The following TEX15 variants were observed in gnomAD, a reference collection of about 807,000 sequenced individuals.
The protein encoded by TEX15 is testis-expressed protein 15.
A neutral mutation model predicts 237.3 loss-of-function variants in TEX15; 171 were observed. The ratio of observed to expected loss-of-function variants is 0.72; its 90% confidence interval spans 0.64 to 0.82. The LOEUF (loss-of-function observed/expected upper bound fraction) is 0.82. Among genes scored for constraint, TEX15 ranks in the 40% least tolerant of loss-of-function variants. TEX15 has a pLI of 0.00. For missense variants in TEX15, 3,750 were observed against 3,646.5 expected, an observed-to-expected ratio of 1.03 and a Z score of -0.73; for synonymous variants, 1,338 against 1,269.8, an observed-to-expected ratio of 1.05 and a Z score of -1.14.
In TEX15 at chr8:30,848,971, T is replaced by C; in HGVS notation, c.1196A>G (p.Asn399Ser). The C allele has an allele frequency of 5.0e-6, 8 of 1,614,156 alleles. No homozygotes were observed. Among genetic ancestry groups the C allele is most frequent in the Non-Finnish European group, 6.8e-6 (8 of 1,180,016 alleles). Reference sequence around the variant, plus strand: ...TAAAATATTTTTAAGACTTGTCCAATTTAACAAAAGGTCACCATTAACACT... The same window carrying C: ...TAAAATATTTTTAAGACTTGTCCAACTTAACAAAAGGTCACCATTAACACT... ...KDSVNGDLLL[N>S]WTSLKNILSG... The change falls in exon 8 of 11, where the codon AAT becomes AGT. Residue 399 changes from asparagine (N) to serine (S), a missense_variant. Physicochemically the swap from Asn to Ser is conservative, Grantham distance 46. Coordinates refer to ENST00000643185, the MANE Select transcript of TEX15 (RefSeq NM_001350162.2).
intron 2 of TEX15, among the ~76,000 whole-genome samples, chr8:30,895,676 C>CTGTTTTTTT (rs1808889021): frequency 1.7e-5 from 1 of 60,058 alleles, no homozygotes; most frequent in African/African-American, 8.1e-5. Flanking sequence ...TAAACACATG[C>CTGTTTTTTT]TTTTTTTTTT....
At chr8:30,909,169 A>G (rs1484186393) in intron 1 of TEX15, among the ~76,000 whole-genome samples, 2 of 151,954 alleles carry the variant, frequency 1.3e-5, no homozygotes, top group African/African-American at 4.8e-5. Context: ...TTTATTAATC[A>G]TTATCCTAAA....
chr8:30,836,092 T>C (rs1292936890), intron 10 of TEX15, among the ~76,000 whole-genome samples: 1 of 152,140 alleles, frequency 6.6e-6, no homozygotes, highest in Non-Finnish European at 1.5e-5. Context: ...GCATATTTTA[T>C]TTCAGTATTT....
At chr8:30,868,661 CT>C (rs546217431) in intron 4 of TEX15, among the ~76,000 whole-genome samples, 155 of 152,072 alleles carry the variant, frequency 1.0e-3, no homozygotes, top group African/African-American at 3.4e-3. Context: ...TCAGCCTTAA[CT>C]TTTGGCTCCA....
At position 30,849,197 on chromosome 8, in the gene TEX15, A is replaced by C. The variant is rs1807709633; in HGVS notation, c.970T>G (p.Leu324Val). The C allele has an allele frequency of 6.5e-7, 1 of 1,537,796 alleles. No homozygotes were observed. The highest frequency in any genetic ancestry group is 1.2e-5 in the South Asian group (1 of 84,294). ...ATCTCTGAATTTAGTGCATTGCATA[A>C]ACAGTTTTCTTGAACAAATGGATCT... Reference protein sequence around the residue: ...PVDPFVQENCLCNALNSEINP... With the variant: ...PVDPFVQENCVCNALNSEINP... The change falls in exon 8 of 11, where the codon TTA (leucine) becomes GTA (valine). Residue 324 changes from leucine (L) to valine (V), a missense_variant. Coordinates refer to ENST00000643185, the MANE Select transcript of TEX15 (RefSeq NM_001350162.2).
chr8:30,861,356 T>C (rs182547302), intron 5 of TEX15, among the ~76,000 whole-genome samples: 5 of 152,268 alleles, frequency 3.3e-5, no homozygotes, highest in Admixed American at 3.3e-4. Flanking sequence ...CACAACATAA[T>C]ATTCTAAAAT....
rs533582648 is a variant in TEX15, at chr8:30,876,234, G to T, written c.137-1132C>A. On this transcript the variant is annotated intron_variant, in intron 3 of 10. Coordinates refer to ENST00000643185, the MANE Select transcript of TEX15 (RefSeq NM_001350162.2). ...AACTTGTTCTTCCATTTTCCTATGTGACATTTAGCTGGTTATTTAAAAAAA... is the reference window on the plus strand; with the variant it reads ...AACTTGTTCTTCCATTTTCCTATGTTACATTTAGCTGGTTATTTAAAAAAA... Among the ~76,000 whole-genome samples, 10 of 152,198 alleles carry T rather than the reference G, an allele frequency of 6.6e-5. No individual in the cohort carries two copies. In the South Asian group the frequency reaches 2.1e-3, roughly 32 times the overall value.
rs1807217074 is a variant in TEX15 at position 30,833,113 on chromosome 8, G to A, written c.*173C>T. On this transcript the variant is annotated 3_prime_UTR_variant, in exon 11 of 11. Transcript: ENST00000643185. ...TCTGGTATATCAGATGTTAGAAATT[G>A]ATGTCCTATATGATATGTGTTAGAT... The A allele has an allele frequency of 2.0e-6, 1 of 490,010 alleles. No homozygotes were observed. The highest frequency in any genetic ancestry group is 3.6e-6 in the Non-Finnish European group (1 of 274,398). The allele number at this position is 490,010 out of a possible 1,614,324, so 30.4% of individuals were successfully genotyped here.
At chr8:30,851,503 T>C (rs1807782874) in intron 7 of TEX15, among the ~76,000 whole-genome samples, 1 of 151,548 alleles carries the variant, frequency 6.6e-6, no homozygotes, top group Admixed American at 6.6e-5. Flanking sequence ...TGGTGGTGTG[T>C]GCCTGTAGTC....
chr8:30,895,509 T>C (rs1473648810), intron 2 of TEX15, among the ~76,000 whole-genome samples: 2 of 151,780 alleles, frequency 1.3e-5, no homozygotes, highest in Non-Finnish European at 2.9e-5. Flanking sequence ...AGAATGTTGC[T>C]GACCTTTCTC....
chr8:30,892,447 T>C (rs112280816), intron 2 of TEX15, among the ~76,000 whole-genome samples: 1,974 of 152,340 alleles, frequency 0.013, 46 homozygotes, highest in African/African-American at 0.045. Flanking sequence ...CACAGCCTCT[T>C]TGCACTTTTA....
chr8:30,849,381 G>T, intron 7 of TEX15, 65 bp from the exon 8 acceptor site: 1 of 848,506 alleles, frequency 1.2e-6, no homozygotes, highest in South Asian at 2.0e-5. Context: ...ATTAATACAG[G>T]TACATTGTGT....
At chr8:30,879,267 G>A (rs1208747987) in intron 3 of TEX15, among the ~76,000 whole-genome samples, 2 of 152,094 alleles carry the variant, frequency 1.3e-5, no homozygotes, top group Non-Finnish European at 2.9e-5. Context: ...CTTTCGCAGA[G>A]CAAAAGTTTC....
intron 7 of TEX15, among the ~76,000 whole-genome samples, 176 bp from the exon 8 acceptor site, chr8:30,849,492 T>G (rs147429491): frequency 9.1e-4 from 138 of 152,006 alleles, no homozygotes; most frequent in African/African-American, 3.0e-3. Flanking sequence ...AACAAATAAA[T>G]AAAATATAAA....
rs1807508707 is a variant in TEX15, at chr8:30,843,332, C to A, written c.6835G>T (p.Val2279Phe). The change falls in exon 8 of 11, where the codon GTT (valine) becomes TTT (phenylalanine). Residue 2279 changes from valine to phenylalanine, a missense_variant. Coordinates refer to ENST00000643185, the MANE Select transcript of TEX15 (RefSeq NM_001350162.2). Reference protein sequence around the residue: ...HIFFDAAKNLVWKERTQSFSK... With the variant: ...HIFFDAAKNLFWKERTQSFSK... ...AAGGATTGTGTTCTCTCTTTCCAAA[C>A]AAGATTTTTTGCAGCATCAAAAAAG... The A allele has an allele frequency of 1.2e-6, 2 of 1,611,590 alleles. No homozygotes were observed. Among genetic ancestry groups the A allele is most frequent in the Non-Finnish European group, 1.7e-6 (2 of 1,179,340 alleles).
rs1478956972 is a variant in TEX15 at position 30,845,133 on chromosome 8, T to C, written c.5034A>G (p.Arg1678=). 3 of 1,613,412 alleles carry C rather than the reference T, an allele frequency of 1.9e-6. No individual in the cohort carries two copies. In the African/African-American group the frequency reaches 4.0e-5, roughly 22 times the overall value. The change falls in exon 8 of 11, where the codon AGA becomes AGG. Residue 1678 remains arginine, a synonymous_variant. Coordinates refer to ENST00000643185, the MANE Select transcript of TEX15 (RefSeq NM_001350162.2). ...QGNLILSDCK[R]NLEVKWTDPI... ...GATCTGTCCACTTTACTTCCAGGTT[T>C]CTTTTACAATCAGATAAAATAAGGT...
chr8:30,897,224 TA>T (rs1320123796), intron 2 of TEX15, among the ~76,000 whole-genome samples: 2 of 152,334 alleles, frequency 1.3e-5, no homozygotes, highest in South Asian at 2.1e-4. Context: ...TGTGTTTTGG[TA>T]AGGTTTAAAG....
intron 2 of TEX15, among the ~76,000 whole-genome samples, chr8:30,895,901 G>A (rs900796361): frequency 1.3e-5 from 2 of 151,766 alleles, no homozygotes; most frequent in African/African-American, 4.8e-5. Context: ...GGATGATCTC[G>A]ATCTCCTGAC....
In TEX15 at chr8:30,846,090, A is replaced by C; in HGVS notation, c.4077T>G (p.Ser1359Arg). ...TFSQSEKHIK[S>R]VLNILSDEAS... is the part of the protein sequence containing the mutation. ...CTTCATCACTTAGGATATTTAGGAC[A>C]CTCTTAATGTGCTTTTCTGACTGTG... Residue 1359 changes from serine to arginine, a missense_variant, in exon 8 of 11, where the codon AGT becomes AGG. Transcript: ENST00000643185. The C allele has an allele frequency of 6.2e-7, 1 of 1,613,302 alleles. No homozygotes were observed. The highest frequency in any genetic ancestry group is 1.3e-5 in the African/African-American group (1 of 74,966).
Sources: gnomAD v4.1 joint callset for allele counts (sites outside exome capture counted in the v4.1 genomes callset) on GRCh38, gnomAD v4.1.1 for gene constraint, MANE v1.5 for transcripts, NCBI Gene and HGNC (gene_info 2026-07-23, HGNC 2026-07-21) for gene names.